Variants in NRG3 observed in about 807,000 individuals in gnomAD.
NRG3 encodes the protein neuregulin 3, also known as pro-neuregulin-3, membrane-bound isoform.
A neutral mutation model predicts 66.9 loss-of-function variants in NRG3; 31 were observed. That is an observed-to-expected ratio of 0.46 (90% CI 0.35 to 0.63). The LOEUF (loss-of-function observed/expected upper bound fraction) is 0.63, where lower values mean the gene tolerates loss of function less well. Ranked by LOEUF, NRG3 falls within the 20% of genes least tolerant of loss-of-function variation. NRG3 has a pLI of 0.00. For missense variants in NRG3, 910 were observed against 878.9 expected (o/e 1.04, Z -0.45); for synonymous variants, 393 against 359.4 (o/e 1.09, Z -1.06).
intron 2 of NRG3, among the ~76,000 whole-genome samples, chr10:82,626,662 T>C (rs1398845754): frequency 1.3e-5 from 2 of 152,172 alleles, no homozygotes; most frequent in Non-Finnish European, 2.9e-5. Context: ...CTTCTTTCCA[T>C]TGAGTGTTTG....
intron 2 of NRG3, among the ~76,000 whole-genome samples, chr10:82,605,589 G>C (rs2047919842): frequency 6.6e-6 from 1 of 151,988 alleles, no homozygotes; most frequent in African/African-American, 2.4e-5. Context: ...TAGTCTCACA[G>C]AATGAGTGAG....
chr10:82,615,387 A>AT (rs1253093119), intron 2 of NRG3, among the ~76,000 whole-genome samples: 2 of 151,984 alleles, frequency 1.3e-5, no homozygotes, highest in South Asian at 2.1e-4. Flanking sequence ...TATTGTATCT[A>AT]TTTTTTCATT....
At chr10:82,487,106 GATATATCTATT>G (rs1198765593) in intron 2 of NRG3, among the ~76,000 whole-genome samples, 1 of 147,698 alleles carries the variant, frequency 6.8e-6, no homozygotes, top group African/African-American at 2.5e-5. Flanking sequence ...CTATTATATA[GATATATCTATT>G]ATATAGATAT....
intron 4 of NRG3, among the ~76,000 whole-genome samples, chr10:82,892,066 A>C (rs751638269): frequency 3.3e-5 from 5 of 152,128 alleles, no homozygotes; most frequent in Non-Finnish European, 7.4e-5. Flanking sequence ...TTAGTTTTCA[A>C]GTGTTAAACC....
At chr10:82,605,226 A>C (rs1340318506) in intron 2 of NRG3, among the ~76,000 whole-genome samples, 1 of 152,002 alleles carries the variant, frequency 6.6e-6, no homozygotes, top group East Asian at 1.9e-4. Flanking sequence ...CTCTAGTAAA[A>C]GTTTTTGAGG....
intron 2 of NRG3, among the ~76,000 whole-genome samples, chr10:82,469,560 G>A (rs1433436827): frequency 6.6e-6 from 1 of 152,180 alleles, no homozygotes. Context: ...ACAGTTCAGG[G>A]AGTGATCATG....
chr10:82,583,866 A>G (rs893116589), intron 2 of NRG3, among the ~76,000 whole-genome samples: 1 of 152,188 alleles, frequency 6.6e-6, no homozygotes, highest in South Asian at 2.1e-4. Context: ...TAACAAATAG[A>G]CCAAAGTCTC....
At chr10:82,257,988 C>G (rs1053616965) in intron 1 of NRG3, among the ~76,000 whole-genome samples, 1 of 152,154 alleles carries the variant, frequency 6.6e-6, no homozygotes, top group African/African-American at 2.4e-5. Context: ...TTGCATAAGT[C>G]TCTGGCTAAA....
chr10:82,326,345 T>C (rs2081870663), intron 1 of NRG3, among the ~76,000 whole-genome samples: 1 of 152,146 alleles, frequency 6.6e-6, no homozygotes, highest in Admixed American at 6.5e-5. Flanking sequence ...GGTTTTCAAT[T>C]TATTGCTGTA....
chr10:82,234,595 G>T (rs184406150), intron 1 of NRG3, among the ~76,000 whole-genome samples: 24 of 152,328 alleles, frequency 1.6e-4, no homozygotes, highest in African/African-American at 5.5e-4. Context: ...ATTGTTGAAT[G>T]AATGATTTAA....
intron 4 of NRG3, among the ~76,000 whole-genome samples, chr10:82,918,834 G>A (rs913925280): frequency 1.3e-5 from 2 of 152,178 alleles, no homozygotes; most frequent in Non-Finnish European, 2.9e-5. Flanking sequence ...AGTCCTTCAA[G>A]TGTAATTTTT....
chr10:82,886,573 T>C (rs752120531), intron 4 of NRG3, among the ~76,000 whole-genome samples: 11 of 152,210 alleles, frequency 7.2e-5, no homozygotes, highest in Non-Finnish European at 1.5e-4. Flanking sequence ...GAGCTTAGTA[T>C]TGTCAGTGCT....
At chr10:81,904,665 T>G (rs893528539) in intron 1 of NRG3, among the ~76,000 whole-genome samples, 2 of 152,174 alleles carry the variant, frequency 1.3e-5, no homozygotes, top group African/African-American at 4.8e-5. Context: ...CTGGGCCTTT[T>G]CATTTCTCAG....
chr10:82,394,729 TTTAA>T (rs1233392137), intron 2 of NRG3, among the ~76,000 whole-genome samples: 3 of 152,332 alleles, frequency 2.0e-5, no homozygotes, highest in African/African-American at 7.2e-5. Flanking sequence ...ACAAATTGAT[TTTAA>T]TTAATGTGGT....
intron 1 of NRG3, among the ~76,000 whole-genome samples, chr10:82,204,195 A>G (rs903323039): frequency 4.6e-5 from 7 of 152,224 alleles, no homozygotes; most frequent in African/African-American, 1.7e-4. Context: ...AGGGGCTGGC[A>G]GGATATAAAG....
intron 1 of NRG3, among the ~76,000 whole-genome samples, chr10:82,170,255 G>A (rs1473163094): frequency 6.6e-6 from 1 of 152,084 alleles, no homozygotes; most frequent in East Asian, 1.9e-4. Flanking sequence ...CAGAAAAATG[G>A]CATGGGTGAG....
rs140139812 is a variant in NRG3, at chr10:82,061,112, G to A, written c.823+184949G>A. ...TTACGTCTGTAATGCCAGCACTTTG[G>A]GAGGCAGAGGCGGGTGGATCACGAG... On this transcript the variant is annotated intron_variant, in intron 1 of 8. Transcript: ENST00000372141. 2.4e-4 allele frequency among the ~76,000 whole-genome samples: 37 copies of A among 152,262 alleles called. No homozygotes were observed. In the East Asian group the frequency reaches 7.0e-3, roughly 29 times the overall value.
In NRG3 at chr10:82,362,587, A is replaced by G. The variant is rs113882508; in HGVS notation, c.953+3719A>G. Among the ~76,000 whole-genome samples the G allele has an allele frequency of 1.4e-3, 169 of 124,182 alleles. 2 individuals carry two copies. Among genetic ancestry groups the G allele is most frequent in the African/African-American group, 4.7e-3 (157 of 33,224 alleles). The allele number at this position is 124,182 out of a possible 152,430, so 81.5% of individuals were successfully genotyped here. A position where few individuals can be genotyped will look rare whatever the true frequency, so the allele number is the denominator to read the frequency against. ...TTTTTTTTCGTAGAAATGGGGCCTC[A>G]CTAGGTTGCCCAGGCTGGTCTCCAA... is the stretch of plus-strand genomic sequence containing the variant. On this transcript the variant is annotated intron_variant, in intron 2 of 8. Transcript: ENST00000372141.
intron 1 of NRG3, among the ~76,000 whole-genome samples, chr10:81,987,246 G>A (rs980065147): frequency 2.6e-5 from 4 of 151,984 alleles, no homozygotes; most frequent in Admixed American, 6.5e-5. Context: ...CACCACACCC[G>A]GATAATTTTT....
Sources: gnomAD v4.1 joint callset for allele counts (sites outside exome capture counted in the v4.1 genomes callset) on GRCh38, gnomAD v4.1.1 for gene constraint, MANE v1.5 for transcripts, NCBI Gene and HGNC (gene_info 2026-07-23, HGNC 2026-07-21) for gene names.